INVS: variants seen among roughly 807,000 people sequenced by gnomAD.
The protein encoded by INVS is inversin.
INVS carries 86 observed loss-of-function variants against 108.8 expected under a neutral mutation model. That is an observed-to-expected ratio of 0.79 (90% CI 0.66 to 0.95). The LOEUF (loss-of-function observed/expected upper bound fraction) is 0.95. INVS is among the 40% of genes least tolerant of loss of function. The pLI is 0.00. For missense variants in INVS, 1,169 were observed against 1,297.4 expected, an observed-to-expected ratio of 0.90 and a Z score of 1.52; for synonymous variants, 455 against 473.5, an observed-to-expected ratio of 0.96 and a Z score of 0.51.
chr9:100,131,886 T>C, intron 3 of INVS: 3 of 976,696 alleles, frequency 3.1e-6, no homozygotes, highest in Non-Finnish European at 3.6e-6. Flanking sequence ...AGGTACGCTG[T>C]TTCCATGTTA....
At chr9:100,211,449 G>A (rs1299385349) in intron 3 of INVS, among the ~76,000 whole-genome samples, 4 of 152,128 alleles carry the variant, frequency 2.6e-5, no homozygotes, top group Non-Finnish European at 5.9e-5. Flanking sequence ...GAAAAATCTG[G>A]CATTGGATAA....
At chr9:100,268,150 C>G (rs1347275902) in intron 11 of INVS, among the ~76,000 whole-genome samples, 2 of 151,962 alleles carry the variant, frequency 1.3e-5, no homozygotes, top group African/African-American at 4.8e-5. Flanking sequence ...TACAGCTACT[C>G]CATAGACAGA....
At chr9:100,157,425 T>C (rs1588047205) in intron 3 of INVS, among the ~76,000 whole-genome samples, 1 of 151,812 alleles carries the variant, frequency 6.6e-6, no homozygotes, top group East Asian at 1.9e-4. Context: ...CCACCACGCC[T>C]GGCTAATTTT....
intron 8 of INVS, among the ~76,000 whole-genome samples, chr9:100,247,118 A>G (rs960585370): frequency 1.3e-5 from 2 of 151,652 alleles, no homozygotes; most frequent in African/African-American, 4.8e-5. Flanking sequence ...AAAACTATCC[A>G]TATTTAGTAG....
At position 100,242,595 on chromosome 9, in the gene INVS, T is replaced by G. The variant is rs1831913478; in HGVS notation, c.822T>G (p.Leu274=). 23 of 1,609,246 alleles carry G rather than the reference T, an allele frequency of 1.4e-5. No individual in the cohort carries two copies. The highest frequency in any genetic ancestry group is 2.0e-5 in the Non-Finnish European group (23 of 1,175,716). The change falls in exon 7 of 17, where the codon CTT becomes CTG. Residue 274 remains leucine, a synonymous_variant. Transcript: ENST00000262457. ...LLGHAQIVHL[L]LERNKSGTIP... ...GCCATGCACAGATTGTCCATCTCCT[T>G]TTAGAAAGAAATAAGTCTGGAACTA...
At chr9:100,134,844 T>G (rs1056214985) in intron 3 of INVS, among the ~76,000 whole-genome samples, 1 of 152,216 alleles carries the variant, frequency 6.6e-6, no homozygotes, top group African/African-American at 2.4e-5. Flanking sequence ...GAACACTGCA[T>G]GAATGAACTG....
chr9:100,287,254 C>G (rs1256773794), intron 13 of INVS, among the ~76,000 whole-genome samples: 2 of 152,162 alleles, frequency 1.3e-5, no homozygotes, highest in Non-Finnish European at 2.9e-5. Context: ...ATTGTGGTCT[C>G]AGGACAGCAT....
At chr9:100,131,470 A>G (rs1421801145) in intron 3 of INVS, among the ~76,000 whole-genome samples, 2 of 152,206 alleles carry the variant, frequency 1.3e-5, no homozygotes, top group Non-Finnish European at 2.9e-5. Flanking sequence ...TAATCTCAAT[A>G]TACTGAACAT....
intron 3 of INVS, among the ~76,000 whole-genome samples, chr9:100,181,374 C>T (rs1281536791): frequency 6.6e-6 from 1 of 152,154 alleles, no homozygotes; most frequent in African/African-American, 2.4e-5. Flanking sequence ...AAAATCCCAT[C>T]ATCTCAACCC....
intron 3 of INVS, among the ~76,000 whole-genome samples, chr9:100,201,950 T>G (rs1182191627): frequency 6.6e-6 from 1 of 152,220 alleles, no homozygotes; most frequent in Non-Finnish European, 1.5e-5. Context: ...AGTGTTAGTA[T>G]GCTGAGTGTC....
At chr9:100,300,124 T>A (rs1833918623) in intron 16 of INVS, among the ~76,000 whole-genome samples, 1 of 152,202 alleles carries the variant, frequency 6.6e-6, no homozygotes, top group African/African-American at 2.4e-5. Context: ...TAAAAAGGCC[T>A]CAAAAATCCA....
chr9:100,181,515 A>G (rs1045298804), intron 3 of INVS, among the ~76,000 whole-genome samples: 7 of 152,182 alleles, frequency 4.6e-5, no homozygotes, highest in Non-Finnish European at 7.3e-5. Context: ...CCTATTCACA[A>G]TTGCTACAAA....
rs1411613109 is a variant in INVS, at chr9:100,292,578, G to A, written c.2321G>A (p.Trp774Ter). 3 of 1,614,054 alleles carry A rather than the reference G, an allele frequency of 1.9e-6. No homozygotes were observed. The highest frequency in any genetic ancestry group is 2.7e-5 in the African/African-American group (2 of 74,928). Residue 774 changes from tryptophan (W) to a stop codon, truncating the protein, a stop_gained, in exon 14 of 17, where the codon TGG becomes TAG. Transcript: ENST00000262457. LOFTEE classifies it high-confidence loss of function. ...AASLPPHDSH[W>*]KPSRRHDTEP... Reference sequence around the variant, plus strand: ...AGCCTTCCACCGCACGATAGCCACTGGAAGCCCAGCAGGCGGCATGACACA... The same window carrying A: ...AGCCTTCCACCGCACGATAGCCACTAGAAGCCCAGCAGGCGGCATGACACA...
At chr9:100,144,458 T>C (rs1453762522) in intron 3 of INVS, among the ~76,000 whole-genome samples, 1 of 152,150 alleles carries the variant, frequency 6.6e-6, no homozygotes, top group African/African-American at 2.4e-5. Context: ...GTAAAGCGTC[T>C]CAGGGTTGCT....
chr9:100,272,241 T>G (rs1355638008), intron 11 of INVS, among the ~76,000 whole-genome samples: 2 of 152,218 alleles, frequency 1.3e-5, no homozygotes, highest in African/African-American at 2.4e-5. Flanking sequence ...CTTCCTGGTT[T>G]CTTCTGGTAC....
intron 3 of INVS, among the ~76,000 whole-genome samples, chr9:100,146,230 T>C (rs1328719795): frequency 6.6e-6 from 1 of 151,676 alleles, no homozygotes; most frequent in Non-Finnish European, 1.5e-5. Flanking sequence ...TGAAGGAAGA[T>C]GGGGTGGGGC....
At chr9:100,214,345 C>T (rs1181498182) in intron 3 of INVS, among the ~76,000 whole-genome samples, 1 of 152,136 alleles carries the variant, frequency 6.6e-6, no homozygotes, top group Admixed American at 6.6e-5. Context: ...TTACAGGGGC[C>T]AAAAAGCAAC....
rs199768692 is a variant in INVS, at chr9:100,262,712, A to G, written c.1465-2110A>G. Among the ~76,000 whole-genome samples the G allele has an allele frequency of 3.5e-5, 5 of 141,552 alleles. No homozygotes were observed. The Admixed American group carries it at 3.6e-4, about 10-fold the overall frequency. The allele number at this position is 141,552 out of a possible 152,430, so 92.9% of individuals were successfully genotyped here. A position where few individuals can be genotyped will look rare whatever the true frequency, so the allele number is the denominator to read the frequency against. ...TTATTTCTGTCTTTGTGGATTTTCT[A>G]TATTTTGAGATTTTGGGTTTTTTTG... On this transcript the variant is annotated intron_variant, in intron 10 of 16. Coordinates refer to ENST00000262457, the MANE Select transcript of INVS (RefSeq NM_014425.5).
chr9:100,153,715 T>C (rs1047253620), intron 3 of INVS, among the ~76,000 whole-genome samples: 2 of 152,202 alleles, frequency 1.3e-5, no homozygotes, highest in Non-Finnish European at 2.9e-5. Context: ...TATCAAGTTA[T>C]CAGCATCTGC....
Sources: gnomAD v4.1 joint callset for allele counts (sites outside exome capture counted in the v4.1 genomes callset) on GRCh38, gnomAD v4.1.1 for gene constraint, MANE v1.5 for transcripts, NCBI Gene and HGNC (gene_info 2026-07-23, HGNC 2026-07-21) for gene names.